The following CBR4 variants were observed in gnomAD, a reference collection of about 807,000 sequenced individuals.
CBR4 encodes carbonyl reductase 4, also known as 3-oxoacyl-[acyl-carrier-protein] reductase.
Under a neutral mutation model 21.0 loss-of-function variants are expected in CBR4, and 22 were observed. The ratio of observed to expected loss-of-function variants is 1.05; its 90% confidence interval spans 0.75 to 1.50. The LOEUF is 1.50. Among genes scored for constraint, CBR4 ranks in the 40% most tolerant of loss-of-function variants. CBR4 has a pLI of 0.00. For missense variants in CBR4, 302 were observed against 286.3 expected (o/e 1.05, Z -0.40); for synonymous variants, 100 against 104.4 (o/e 0.96, Z 0.26).
At chr4:168,899,917 C>CAAA (rs1172762037) in intron 2 of CBR4, among the ~76,000 whole-genome samples, 1 of 109,038 alleles carries the variant, frequency 9.2e-6, no homozygotes, top group African/African-American at 3.5e-5. Flanking sequence ...GACTCCGTCT[C>CAAA]AAAAAAAAAA....
chr4:168,922,986 T>C (rs1035049876), intron 2 of CBR4, among the ~76,000 whole-genome samples: 1 of 152,216 alleles, frequency 6.6e-6, no homozygotes, highest in African/African-American at 2.4e-5. Flanking sequence ...AGTTTCTCCA[T>C]ATATAAAATG....
At position 168,905,773 on chromosome 4, in the gene CBR4, G is replaced by A. The variant is rs989878732; in HGVS notation, n.170-11008C>T. Among the ~76,000 whole-genome samples the A allele has an allele frequency of 2.7e-5, 4 of 149,058 alleles. 1 individual carries two copies. The highest frequency in any genetic ancestry group is 4.2e-4 in the South Asian group (2 of 4,718). The stretch of plus-strand genomic sequence containing the variant: ...TTGATATATATGAAGAAACAAAAGC[G>A]GAACTTGCTTTTTTTTCTTTTTTTT... On this transcript the variant is annotated intron_variant and non_coding_transcript_variant, in intron 2 of 3. Transcript: ENST00000509108.
In CBR4 at chr4:168,988,727, C is replaced by A; in HGVS notation, c.*1423G>T. 1 of 972,384 alleles carries A rather than the reference C, an allele frequency of 1.0e-6. No individual in the cohort carries two copies. Among genetic ancestry groups the A allele is most frequent in the Non-Finnish European group, 1.2e-6 (1 of 818,108 alleles). 60.2% of individuals were successfully genotyped at this position (972,384 alleles called of 1,614,324 possible). On this transcript the variant is annotated 3_prime_UTR_variant, in exon 5 of 5. Transcript: ENST00000306193. ...ACTTTACTCACACTTAATTGACTTT[C>A]TCATATCCTGAGATTAATCTAAGAA...
downstream of CBR4, among the ~76,000 whole-genome samples, chr4:168,985,863 A>T (rs1488040198): frequency 6.6e-6 from 1 of 152,162 alleles, no homozygotes; most frequent in African/African-American, 2.4e-5. Flanking sequence ...CCCTGAGTAT[A>T]CATGGACACA....
At chr4:168,975,558 G>A (rs564021760) in intron 2 of CBR4, among the ~76,000 whole-genome samples, 2 of 152,334 alleles carry the variant, frequency 1.3e-5, no homozygotes, top group South Asian at 4.1e-4. Context: ...GAGCTTGCCA[G>A]CTGCAGTAGT....
At chr4:168,903,802 C>T (rs1379376465) in intron 2 of CBR4, 4 of 1,611,506 alleles carry the variant, frequency 2.5e-6, no homozygotes, top group Non-Finnish European at 3.4e-6. Flanking sequence ...AAAGAGTGAT[C>T]ACTACACCAT....
downstream of CBR4, among the ~76,000 whole-genome samples, chr4:168,986,067 G>T (rs1764681701): frequency 6.7e-6 from 1 of 148,558 alleles, no homozygotes; most frequent in Non-Finnish European, 1.5e-5. Context: ...AAATAAAGTT[G>T]GAAAGGAAAA....
chr4:168,930,326 A>G (rs982931833), intron 2 of CBR4, among the ~76,000 whole-genome samples: 1 of 152,190 alleles, frequency 6.6e-6, no homozygotes, highest in African/African-American at 2.4e-5. Context: ...GGCCCTACAG[A>G]AGCTTAAATA....
At chr4:168,923,258 A>T (rs903188710) in intron 2 of CBR4, among the ~76,000 whole-genome samples, 2 of 152,240 alleles carry the variant, frequency 1.3e-5, no homozygotes, top group African/African-American at 4.8e-5. Flanking sequence ...ATTCAATAAA[A>T]ATCCAACCTT....
intron 2 of CBR4, among the ~76,000 whole-genome samples, chr4:168,970,526 T>A (rs925156416): frequency 1.3e-5 from 2 of 152,120 alleles, no homozygotes; most frequent in Non-Finnish European, 2.9e-5. Flanking sequence ...GAACAGGTGG[T>A]ATTTGGTTAC....
chr4:168,982,266 T>C (rs1764567777), intron 2 of CBR4, among the ~76,000 whole-genome samples: 1 of 152,194 alleles, frequency 6.6e-6, no homozygotes. Flanking sequence ...GGGGTTGCTA[T>C]TCTTATTCCA....
intron 4 of CBR4, among the ~76,000 whole-genome samples, chr4:168,995,765 G>T (rs1020611206): frequency 6.6e-6 from 1 of 152,130 alleles, no homozygotes; most frequent in African/African-American, 2.4e-5. Context: ...CTCCTGGAGA[G>T]TTAGACGTTT....
At chr4:168,973,270 T>C (rs1007552573) in intron 2 of CBR4, among the ~76,000 whole-genome samples, 2 of 152,334 alleles carry the variant, frequency 1.3e-5, no homozygotes, top group South Asian at 2.1e-4. Flanking sequence ...AGTTTTGGTA[T>C]ATGGGTAATA....
At chr4:168,897,075 C>T (rs1755362993) in intron 2 of CBR4, among the ~76,000 whole-genome samples, 1 of 152,328 alleles carries the variant, frequency 6.6e-6, no homozygotes, top group Non-Finnish European at 1.5e-5. Flanking sequence ...AGGTGATCCA[C>T]CCGCCTTGGC....
chr4:168,939,056 C>T (rs1307368997), intron 2 of CBR4, among the ~76,000 whole-genome samples: 2 of 152,160 alleles, frequency 1.3e-5, no homozygotes, highest in Admixed American at 1.3e-4. Flanking sequence ...CAATAAAATA[C>T]TGGCAGACAG....
In CBR4 at chr4:168,922,098, TATATAC is replaced by T. The variant is rs1394448163; in HGVS notation, n.170-27339_170-27334del. On this transcript the variant is annotated intron_variant and non_coding_transcript_variant, in intron 2 of 3. Coordinates refer to the CBR4 transcript ENST00000509108. ...AAAGTTTTATATTTATATATATATA[TATATAC>T]ACACACACACACACACACACACACA... is the stretch of plus-strand genomic sequence containing the variant. 4.2e-3 allele frequency among the ~76,000 whole-genome samples: 451 copies of T among 107,614 alleles called. 2 individuals carry two copies. Among genetic ancestry groups the T allele is most frequent in the African/African-American group, 8.0e-3 (257 of 31,960 alleles). 70.6% of individuals were successfully genotyped at this position (107,614 alleles called of 152,430 possible). A position where few individuals can be genotyped will look rare whatever the true frequency, so the allele number is the denominator to read the frequency against.
intron 2 of CBR4, among the ~76,000 whole-genome samples, chr4:168,968,029 G>A (rs1764095039): frequency 6.6e-6 from 1 of 151,986 alleles, no homozygotes; most frequent in Non-Finnish European, 1.5e-5. Flanking sequence ...TTTCCATAAT[G>A]ACAAATTCAA....
At chr4:168,998,451 T>C (rs1765308985) in intron 4 of CBR4, among the ~76,000 whole-genome samples, 1 of 152,158 alleles carries the variant, frequency 6.6e-6, no homozygotes, top group South Asian at 2.1e-4. Flanking sequence ...TATTACATGA[T>C]TCAATTTATA....
At chr4:168,936,861 T>C (rs907254802) in intron 2 of CBR4, among the ~76,000 whole-genome samples, 3 of 152,154 alleles carry the variant, frequency 2.0e-5, no homozygotes, top group African/African-American at 7.2e-5. Flanking sequence ...GAAAACACTC[T>C]TCAGGATATT....
Sources: gnomAD v4.1 joint callset for allele counts (sites outside exome capture counted in the v4.1 genomes callset) on GRCh38, gnomAD v4.1.1 for gene constraint, MANE v1.5 for transcripts, NCBI Gene and HGNC (gene_info 2026-07-23, HGNC 2026-07-21) for gene names.